RBFOX3: variants seen among roughly 807,000 people sequenced by gnomAD.
RBFOX3 encodes RNA binding fox-1 homolog 3.
Under a neutral mutation model 48.7 loss-of-function variants are expected in RBFOX3, and 17 were observed. That is an observed-to-expected ratio of 0.35 (90% CI 0.24 to 0.52). RBFOX3 has a LOEUF of 0.52. Among genes scored for constraint, RBFOX3 ranks in the 20% least tolerant of loss-of-function variants. The pLI is 0.94. For missense variants in RBFOX3, 382 were observed against 497.5 expected, an observed-to-expected ratio of 0.77 and a Z score of 2.21; for synonymous variants, 212 against 209.5, an observed-to-expected ratio of 1.01 and a Z score of -0.10.
intron 2 of RBFOX3, among the ~76,000 whole-genome samples, chr17:79,379,003 CCCTGGGTCTGACTCTGG>C (rs2059566679): frequency 6.6e-6 from 1 of 152,152 alleles, no homozygotes; most frequent in African/African-American, 2.4e-5. Context: ...CGTGTCCCAG[CCCTGGGTCTGACTCTGG>C]CCATGCCTCC....
At chr17:79,425,749 G>C (rs2067237206) in intron 2 of RBFOX3, among the ~76,000 whole-genome samples, 1 of 152,084 alleles carries the variant, frequency 6.6e-6, no homozygotes, top group African/African-American at 2.4e-5. Flanking sequence ...GCAGTGAAGG[G>C]ACAGAGCGGG....
At chr17:79,624,821 C>T in the RBFOX3 span, among the ~76,000 whole-genome samples, 1 of 128,856 alleles carries the variant, frequency 7.8e-6, no homozygotes, top group Non-Finnish European at 1.7e-5. Context: ...CCGCCCCCCA[C>T]CCCCCGCCCC....
chr17:79,417,456 C>T (rs1453606265), intron 2 of RBFOX3, among the ~76,000 whole-genome samples: 3 of 152,202 alleles, frequency 2.0e-5, no homozygotes, highest in Non-Finnish European at 2.9e-5. Context: ...CTGTTCCCCA[C>T]GGCCTTTCTT....
Position 79,095,530 on chromosome 17 carries a change from C to T in RBFOX3, c.981G>A (p.Ala327=), listed in dbSNP as rs754425963. The T allele has an allele frequency of 3.5e-5, 54 of 1,551,136 alleles. No individual in the cohort carries two copies. Among genetic ancestry groups the T allele is most frequent in the African/African-American group, 5.5e-5 (4 of 73,052 alleles). The change falls in exon 13 of 15, where the codon GCG becomes GCA. Residue 327 remains alanine (A), a synonymous_variant. Coordinates refer to ENST00000693108, the MANE Select transcript of RBFOX3 (RefSeq NM_001350451.2). ...GGCCTCACCTGTCGCTGTAGGCTGC[C>T]GCCGCTGCAGCGGGCTGAGCGTATC... ...AYRYAQPAAA[A]AAYSDSYGRV... is the part of the protein sequence containing the mutation.
chr17:79,599,827 A>C (rs1475305030), intron 1 of RBFOX3: 3 of 152,298 alleles, frequency 2.0e-5, no homozygotes, highest in Non-Finnish European at 4.4e-5. Context: ...CCTGCACCTC[A>C]CATGCAGCAG....
At chr17:79,253,298 T>A (rs1311947886) in intron 3 of RBFOX3, among the ~76,000 whole-genome samples, 1 of 152,118 alleles carries the variant, frequency 6.6e-6, no homozygotes, top group East Asian at 1.9e-4. Context: ...AGGACTCGAA[T>A]TAATTTAACT....
At chr17:79,352,317 T>G (rs182818991) in intron 2 of RBFOX3, among the ~76,000 whole-genome samples, 121 of 152,294 alleles carry the variant, frequency 7.9e-4, no homozygotes, top group Middle Eastern at 6.8e-3. Context: ...CACTGCCCTC[T>G]TTGATCTCTC....
chr17:79,157,943 G>A (rs755054944), intron 4 of RBFOX3, among the ~76,000 whole-genome samples: 6 of 152,196 alleles, frequency 3.9e-5, no homozygotes, highest in Admixed American at 6.5e-5. Context: ...GAGAACGACC[G>A]AGCTGTATCA....
the RBFOX3 span, among the ~76,000 whole-genome samples, chr17:79,640,294 G>A: frequency 5.4e-3 from 815 of 152,184 alleles, 5 homozygotes; most frequent in Non-Finnish European, 9.1e-3. Context: ...ACTGATGCAG[G>A]AAATTAAAGA....
At chr17:79,129,732 G>T (rs368276851) in intron 4 of RBFOX3, among the ~76,000 whole-genome samples, 1 of 152,232 alleles carries the variant, frequency 6.6e-6, no homozygotes, top group Non-Finnish European at 1.5e-5. Context: ...TGCTTGTGGC[G>T]TTTGCCAATT....
intron 4 of RBFOX3, among the ~76,000 whole-genome samples, chr17:79,179,908 G>A (rs964953526): frequency 2.0e-5 from 3 of 152,204 alleles, no homozygotes; most frequent in Admixed American, 1.3e-4. Flanking sequence ...ACCACGGCAC[G>A]GGGCTACCCT....
chr17:79,140,285 C>T (rs2041655125), intron 4 of RBFOX3, among the ~76,000 whole-genome samples: 1 of 152,226 alleles, frequency 6.6e-6, no homozygotes, highest in Non-Finnish European at 1.5e-5. Context: ...CAGCTCAGCT[C>T]ATCTCTGAGC....
intron 5 of RBFOX3, among the ~76,000 whole-genome samples, chr17:79,110,622 T>TG (rs1478345520): frequency 6.6e-6 from 1 of 152,212 alleles, no homozygotes; most frequent in Non-Finnish European, 1.5e-5. Context: ...GAGCCGCTGG[T>TG]GGGCAGCCAG....
chr17:79,323,873 G>A (rs907851325), intron 2 of RBFOX3, among the ~76,000 whole-genome samples: 1 of 152,228 alleles, frequency 6.6e-6, no homozygotes, highest in African/African-American at 2.4e-5. Context: ...TGGGCAGATT[G>A]CTTACTGTCT....
chr17:79,093,847 A>C (rs969344108), intron 14 of RBFOX3, among the ~76,000 whole-genome samples: 2 of 148,272 alleles, frequency 1.3e-5, no homozygotes, highest in African/African-American at 5.0e-5. Context: ...CACGCCGCGC[A>C]CCTCCCCGCC....
chr17:79,430,810 G>T (rs1280546035), intron 2 of RBFOX3, among the ~76,000 whole-genome samples: 1 of 152,226 alleles, frequency 6.6e-6, no homozygotes, highest in Non-Finnish European at 1.5e-5. Flanking sequence ...CTCCCAAAGT[G>T]CTGGGATTAC....
the RBFOX3 span, among the ~76,000 whole-genome samples, chr17:79,664,349 ATTTTT>A: frequency 1.4e-5 from 2 of 139,034 alleles, no homozygotes; most frequent in Admixed American, 1.4e-4. Context: ...TAATTTTTGT[ATTTTT>A]TTTTTTTTTG....
intron 1 of RBFOX3, among the ~76,000 whole-genome samples, chr17:79,582,782 CAAAAAAAAAAAAAAAAA>C (rs36155299): frequency 4.3e-5 from 2 of 46,898 alleles, no homozygotes; most frequent in Non-Finnish European, 7.2e-5. Context: ...GACCCCGTCT[CAAAAAAAAAAAAAAAAA>C]AAAAAAAAAA....
rs534790199 is a variant in RBFOX3 at position 79,313,767 on chromosome 17, T to A, written c.-174-5943A>T. On this transcript the variant is annotated intron_variant, in intron 2 of 14. Coordinates refer to ENST00000693108, the MANE Select transcript of RBFOX3 (RefSeq NM_001350451.2). ...CAGCAAGGCTCCTGGGGCAGCAGCA[T>A]CTCTGCCTCGGGGTGGGGGGCCGCT... 3.9e-5 allele frequency among the ~76,000 whole-genome samples: 6 copies of A among 152,222 alleles called. No individual in the cohort carries two copies. The East Asian group carries it at 1.2e-3, about 29-fold the overall frequency.
Sources: gnomAD v4.1 joint callset for allele counts (sites outside exome capture counted in the v4.1 genomes callset) on GRCh38, gnomAD v4.1.1 for gene constraint, MANE v1.5 for transcripts, NCBI Gene and HGNC (gene_info 2026-07-23, HGNC 2026-07-21) for gene names.